Variants in DOCK1 observed in about 807,000 individuals in gnomAD.
DOCK1 encodes the protein dedicator of cytokinesis protein 1.
A neutral mutation model predicts 262.7 loss-of-function variants in DOCK1; 138 were observed. The ratio of observed to expected loss-of-function variants is 0.53; its 90% CI spans 0.46 to 0.61. DOCK1 has a LOEUF of 0.61. Ranked by LOEUF, DOCK1 falls within the 20% of genes least tolerant of loss-of-function variation. DOCK1 has a pLI of 0.00. For synonymous variants in DOCK1, 866 were observed against 867.4 expected (o/e 1.00, Z 0.03); for missense variants, 1,908 against 2,370.7 (o/e 0.80, Z 4.05).
At chr10:127,192,755 T>C (rs946979010) in intron 27 of DOCK1, 1 of 152,216 alleles carries the variant, frequency 6.6e-6, no homozygotes, top group African/African-American at 2.4e-5. Flanking sequence ...TTATCACACA[T>C]GGTCCAAAGG....
At chr10:127,166,723 C>G (rs957669635) in intron 27 of DOCK1, among the ~76,000 whole-genome samples, 2 of 152,200 alleles carry the variant, frequency 1.3e-5, no homozygotes, top group Admixed American at 6.5e-5. Flanking sequence ...CATAGCTTAG[C>G]AGGAATTGCA....
At chr10:127,022,929 C>A (rs2135447467) in intron 13 of DOCK1, among the ~76,000 whole-genome samples, 1 of 152,160 alleles carries the variant, frequency 6.6e-6, no homozygotes, top group Middle Eastern at 3.4e-3. Context: ...TGTCGGCTAC[C>A]CTGAGAGGGG....
intron 29 of DOCK1, among the ~76,000 whole-genome samples, chr10:127,283,990 G>A (rs931258609): frequency 3.3e-5 from 5 of 152,040 alleles, no homozygotes; most frequent in African/African-American, 4.8e-5. Flanking sequence ...ATTCAATATT[G>A]TCTTTTAAAA....
Position 127,409,195 on chromosome 10 carries a change from CCTCATCAA to C in DOCK1, c.4264+21_4264+28del, listed in dbSNP as rs1489619886. The C allele has an allele frequency of 1.4e-5, 22 of 1,613,416 alleles. 2 individuals are homozygous for C. The highest frequency in any genetic ancestry group is 1.1e-4 in the African/African-American group (8 of 74,986). On this transcript the variant is annotated intron_variant, in intron 41 of 51. Coordinates refer to ENST00000623213, the MANE Select transcript of DOCK1 (RefSeq NM_001290223.2). Reference sequence around the variant, plus strand: ...CTGGCCAGTGTATCCTTTAAGACAACCTCATCAACTCTGAAACCATGGTGATGCCATTC... The same window carrying C: ...CTGGCCAGTGTATCCTTTAAGACAACCTCTGAAACCATGGTGATGCCATTC...
At chr10:127,343,109 G>A (rs991651176) in intron 30 of DOCK1, among the ~76,000 whole-genome samples, 18 of 152,108 alleles carry the variant, frequency 1.2e-4, no homozygotes, top group African/African-American at 4.3e-4. Flanking sequence ...TCCAGGCATG[G>A]TGGTGCACAC....
intron 29 of DOCK1, among the ~76,000 whole-genome samples, chr10:127,328,502 C>T (rs563139835): frequency 6.6e-6 from 1 of 152,258 alleles, no homozygotes; most frequent in South Asian, 2.1e-4. Flanking sequence ...GACCAGGGGC[C>T]ATTGCCTGCA....
intron 6 of DOCK1, among the ~76,000 whole-genome samples, chr10:126,993,582 C>T (rs2039965902): frequency 6.6e-6 from 1 of 152,214 alleles, no homozygotes; most frequent in South Asian, 2.1e-4. Context: ...CTAATGAGAC[C>T]TTAAAATGCT....
intron 27 of DOCK1, among the ~76,000 whole-genome samples, chr10:127,222,616 C>T (rs889198957): frequency 2.1e-5 from 3 of 145,424 alleles, no homozygotes; most frequent in African/African-American, 7.6e-5. Context: ...TTCATTCCTC[C>T]TGTGTTTTTG....
chr10:127,260,139 C>T (rs999945926), intron 29 of DOCK1, among the ~76,000 whole-genome samples: 2 of 152,226 alleles, frequency 1.3e-5, no homozygotes, highest in African/African-American at 2.4e-5. Flanking sequence ...ACTAGAGCCC[C>T]TTCACAGGGT....
intron 47 of DOCK1, among the ~76,000 whole-genome samples, chr10:127,426,371 C>T (rs2068816902): frequency 6.6e-6 from 1 of 152,202 alleles, no homozygotes; most frequent in African/African-American, 2.4e-5. Context: ...ATACAATACA[C>T]ACAGAGGGTT....
intron 1 of DOCK1, among the ~76,000 whole-genome samples, chr10:126,956,136 A>C (rs886796818): frequency 6.6e-5 from 10 of 152,312 alleles, no homozygotes; most frequent in South Asian, 4.1e-4. Flanking sequence ...CCAGGCTGCC[A>C]CTGTGCAGTT....
chr10:127,428,957 GTGTGGATTCGGGTACCA>G (rs1395269942), intron 47 of DOCK1, among the ~76,000 whole-genome samples: 2 of 105,722 alleles, frequency 1.9e-5, no homozygotes, highest in Non-Finnish European at 1.9e-5. Context: ...TTGGGGTGCT[GTGTGGATTCGGGTACCA>G]TGTGGATTGG....
At chr10:127,327,398 G>A (rs2062789974) in intron 29 of DOCK1, among the ~76,000 whole-genome samples, 1 of 152,152 alleles carries the variant, frequency 6.6e-6, no homozygotes, top group African/African-American at 2.4e-5. Context: ...TTATGTTATG[G>A]AGATGGCTTC....
At chr10:127,331,497 G>A (rs2135669419) in intron 29 of DOCK1, among the ~76,000 whole-genome samples, 1 of 152,178 alleles carries the variant, frequency 6.6e-6, no homozygotes, top group Non-Finnish European at 1.5e-5. Flanking sequence ...GGCCAGATTG[G>A]TCTTGAACTC....
chr10:127,328,625 G>A (rs1368651550), intron 29 of DOCK1, among the ~76,000 whole-genome samples: 3 of 152,126 alleles, frequency 2.0e-5, no homozygotes, highest in East Asian at 3.9e-4. Context: ...TGCGAGGGAC[G>A]GCAGGGACGA....
chr10:127,044,304 T>C (rs2044201451), intron 21 of DOCK1, among the ~76,000 whole-genome samples: 1 of 152,198 alleles, frequency 6.6e-6, no homozygotes, highest in Admixed American at 6.5e-5. Context: ...CTTTCATATC[T>C]GCCTCGTGTG....
chr10:127,190,199 A>C (rs957177452), intron 27 of DOCK1, among the ~76,000 whole-genome samples: 2 of 152,200 alleles, frequency 1.3e-5, no homozygotes, highest in African/African-American at 4.8e-5. Flanking sequence ...ATTTTCACCA[A>C]AGGAATCGCT....
chr10:127,179,657 T>C (rs1414106650), intron 27 of DOCK1, among the ~76,000 whole-genome samples: 1 of 152,148 alleles, frequency 6.6e-6, no homozygotes, highest in East Asian at 1.9e-4. Context: ...GGGTAAGGCT[T>C]ACAGTGATTA....
chr10:127,046,757 C>CAAAAA (rs5788823), intron 21 of DOCK1, among the ~76,000 whole-genome samples: 11 of 73,364 alleles, frequency 1.5e-4, no homozygotes, highest in African/African-American at 3.3e-4. Context: ...CACTACGTCT[C>CAAAAA]AAAAAAAAAA....
Sources: allele counts gnomAD v4.1 joint callset (sites outside exome capture counted in the v4.1 genomes callset), GRCh38; gene constraint gnomAD v4.1.1; transcripts MANE v1.5; gene names NCBI Gene and HGNC (gene_info 2026-07-23, HGNC 2026-07-21).